The following PPFIA2 variants were observed in gnomAD, a reference collection of about 807,000 sequenced individuals.
PPFIA2 encodes PPFI scaffold protein A2, also known as liprin-alpha-2.
A neutral mutation model predicts 175.5 loss-of-function variants in PPFIA2; 46 were observed. The observed-to-expected ratio is 0.26, with a 90% CI of 0.21 to 0.34. The LOEUF is 0.34. PPFIA2 is among the 10% of genes least tolerant of loss of function. The pLI is 1.00. For synonymous variants in PPFIA2, 568 were observed against 511.4 expected, an observed-to-expected ratio of 1.11 and a Z score of -1.49; for missense variants, 1,179 against 1,506.1, an observed-to-expected ratio of 0.78 and a Z score of 3.60.
intron 3 of PPFIA2, among the ~76,000 whole-genome samples, chr12:81,677,567 A>T (rs1260055918): frequency 2.6e-5 from 4 of 151,734 alleles, no homozygotes; most frequent in African/African-American, 9.7e-5. Flanking sequence ...ATTTTTTTTT[A>T]TAGCTCTTAC....
intron 4 of PPFIA2, among the ~76,000 whole-genome samples, chr12:81,626,754 A>G (rs1595756906): frequency 6.6e-6 from 1 of 152,110 alleles, no homozygotes; most frequent in Non-Finnish European, 1.5e-5. Flanking sequence ...GACGATGTGT[A>G]TTATTTTGGG....
chr12:81,702,674 A>T (rs925255998), intron 3 of PPFIA2, among the ~76,000 whole-genome samples: 1 of 152,116 alleles, frequency 6.6e-6, no homozygotes, highest in African/African-American at 2.4e-5. Context: ...GTCAAACAAA[A>T]TTCTAAATTC....
At chr12:81,300,717 G>T (rs891526921) in intron 22 of PPFIA2, among the ~76,000 whole-genome samples, 5 of 152,132 alleles carry the variant, frequency 3.3e-5, no homozygotes, top group Admixed American at 2.0e-4. Context: ...CACCTGGCTT[G>T]CTCTATCATC....
chr12:81,742,301 C>G (rs1278890924), intron 3 of PPFIA2, among the ~76,000 whole-genome samples: 1 of 152,126 alleles, frequency 6.6e-6, no homozygotes, highest in Admixed American at 6.6e-5. Context: ...TGAATTATAT[C>G]GATGAGCTAC....
chr12:81,631,729 A>G (rs1180396233), intron 4 of PPFIA2, among the ~76,000 whole-genome samples: 1 of 152,198 alleles, frequency 6.6e-6, no homozygotes, highest in African/African-American at 2.4e-5. Context: ...AAGCGAGTTC[A>G]TCATTTGCAA....
At chr12:81,288,045 T>A (rs1426409803) in intron 24 of PPFIA2, among the ~76,000 whole-genome samples, 1 of 151,856 alleles carries the variant, frequency 6.6e-6, no homozygotes, top group African/African-American at 2.4e-5. Context: ...GAGTCTAACA[T>A]GAAATTTATA....
In PPFIA2 at chr12:81,754,069, C is replaced by G; in HGVS notation, c.153G>C (p.Glu51Asp). Residue 51 changes from glutamate (E) to aspartate (D), a missense_variant, in exon 3 of 33, where the codon GAG (glutamate) becomes GAC (aspartate). Glu to Asp is a conservative substitution (Grantham distance 45). Transcript: ENST00000549396. Reference protein sequence around the residue: ...ERDRLLDTLRETQESLSLAQQ... With the variant: ...ERDRLLDTLRDTQESLSLAQQ... ...GGGCAAGTGAGAGGCTTTCCTGGGT[C>G]TCCCGAAGGGTGTCTAGAAGACGAT... 6.2e-7 allele frequency: 1 copy of G among 1,613,850 alleles called. No individual in the cohort carries two copies. The highest frequency in any genetic ancestry group is 8.5e-7 in the Non-Finnish European group (1 of 1,179,860).
intron 4 of PPFIA2, among the ~76,000 whole-genome samples, chr12:81,511,148 TAC>T (rs1221572381): frequency 1.3e-5 from 2 of 152,090 alleles, no homozygotes; most frequent in Non-Finnish European, 2.9e-5. Flanking sequence ...CTCCCTAGCA[TAC>T]AGAGATGATT....
chr12:81,434,308 A>G (rs1484243968), intron 7 of PPFIA2, among the ~76,000 whole-genome samples: 1 of 152,112 alleles, frequency 6.6e-6, no homozygotes, highest in East Asian at 1.9e-4. Context: ...ATCATATATA[A>G]GTACATATTA....
intron 23 of PPFIA2, chr12:81,298,329 A>T (rs1015525186): frequency 2.6e-5 from 4 of 152,238 alleles, no homozygotes; most frequent in African/African-American, 9.6e-5. Context: ...GGCATTTTTC[A>T]TTCAGTGCAA....
At chr12:81,369,520 G>T in intron 11 of PPFIA2, 1 of 825,282 alleles carries the variant, frequency 1.2e-6, no homozygotes, top group Non-Finnish European at 1.5e-6. Flanking sequence ...CTGCACAGAT[G>T]GTTGATTATC....
intron 4 of PPFIA2, among the ~76,000 whole-genome samples, chr12:81,643,958 C>G (rs550335816): frequency 6.6e-6 from 1 of 151,786 alleles, no homozygotes; most frequent in African/African-American, 2.4e-5. Flanking sequence ...CCCCAATTTT[C>G]GAAAGCAAAC....
At chr12:81,395,791 C>A (rs931209164) in intron 8 of PPFIA2, among the ~76,000 whole-genome samples, 1 of 152,034 alleles carries the variant, frequency 6.6e-6, no homozygotes, top group Non-Finnish European at 1.5e-5. Flanking sequence ...CCTGCACAGT[C>A]TTTCCCCTTA....
chr12:81,557,006 T>C (rs2068991591), intron 4 of PPFIA2, among the ~76,000 whole-genome samples: 2 of 151,938 alleles, frequency 1.3e-5, no homozygotes, highest in South Asian at 4.1e-4. Flanking sequence ...TTAAAATATT[T>C]GTAGAAGTGA....
At chr12:81,433,872 C>T (rs982312752) in intron 7 of PPFIA2, among the ~76,000 whole-genome samples, 3 of 152,060 alleles carry the variant, frequency 2.0e-5, no homozygotes, top group South Asian at 4.1e-4. Flanking sequence ...ACTTGTTGAA[C>T]AGTCGTAATA....
At chr12:81,472,848 T>C (rs1229376992) in intron 4 of PPFIA2, 1 of 152,228 alleles carries the variant, frequency 6.6e-6, no homozygotes, top group Non-Finnish European at 1.5e-5. Flanking sequence ...TCCCTTGCTA[T>C]GAGTATCTTG....
At chr12:81,576,794 A>G (rs777623247) in intron 4 of PPFIA2, among the ~76,000 whole-genome samples, 11 of 151,854 alleles carry the variant, frequency 7.2e-5, no homozygotes, top group Non-Finnish European at 1.2e-4. Context: ...AAGCATTTTA[A>G]AACAAGTTAT....
chr12:81,603,580 T>C (rs1008216625), intron 4 of PPFIA2, among the ~76,000 whole-genome samples: 3 of 151,652 alleles, frequency 2.0e-5, no homozygotes, highest in African/African-American at 7.3e-5. Flanking sequence ...CTAAAGAATA[T>C]AAACAAATGT....
intron 4 of PPFIA2, among the ~76,000 whole-genome samples, chr12:81,551,785 A>G (rs1186750791): frequency 1.3e-5 from 2 of 151,954 alleles, no homozygotes; most frequent in Non-Finnish European, 2.9e-5. Context: ...AAGCATATTT[A>G]TGTATCCTTT....
Sources: gnomAD v4.1 joint callset for allele counts (sites outside exome capture counted in the v4.1 genomes callset) on GRCh38, gnomAD v4.1.1 for gene constraint, MANE v1.5 for transcripts, NCBI Gene and HGNC (gene_info 2026-07-23, HGNC 2026-07-21) for gene names.